MAJIN: variants seen among roughly 807,000 people sequenced by gnomAD.
MAJIN encodes the protein membrane-anchored junction protein.
In MAJIN, 27 loss-of-function variants were observed where a neutral mutation model predicts 30.2. That is an observed-to-expected ratio of 0.89 (90% CI 0.66 to 1.23). MAJIN has a LOEUF of 1.23. MAJIN is among the 50% of genes most tolerant of loss of function. MAJIN has a pLI of 0.00. For missense variants in MAJIN, 253 were observed against 260.3 expected, an observed-to-expected ratio of 0.97 and a Z score of 0.19; for synonymous variants, 78 against 91.6, an observed-to-expected ratio of 0.85 and a Z score of 0.85.
intron 4 of MAJIN, among the ~76,000 whole-genome samples, chr11:64,952,352 T>C (rs1192430976): frequency 6.6e-6 from 1 of 151,846 alleles, no homozygotes; most frequent in Non-Finnish European, 1.5e-5. Flanking sequence ...CACACCTGGC[T>C]AACTTTTGTA....
intron 8 of MAJIN, among the ~76,000 whole-genome samples, chr11:64,943,311 G>A (rs1376983773): frequency 6.6e-6 from 1 of 152,134 alleles, no homozygotes; most frequent in Non-Finnish European, 1.5e-5. Context: ...CTAGATCTGG[G>A]ACCTGAAGTA....
In MAJIN at chr11:64,950,414, A is replaced by G; in HGVS notation, c.164T>C (p.Val55Ala). ...CTGAAGATTGTCCAAGTTTCCCAAG[A>G]CCACGCGGACAGAATCCTGAAAAAC... ...TQELEDSVRV[V>A]LGNLDNLQPF... The change falls in exon 5 of 11, where the codon GTC (valine) becomes GCC (alanine). Residue 55 changes from valine (V) to alanine (A), a missense_variant. Physicochemically the swap from Val to Ala is moderately conservative, Grantham distance 64. Coordinates refer to ENST00000301896, the MANE Select transcript of MAJIN (RefSeq NM_001037225.3). The G allele has an allele frequency of 1.2e-6, 2 of 1,613,616 alleles. No homozygotes were observed. Among genetic ancestry groups the G allele is most frequent in the Non-Finnish European group, 1.7e-6 (2 of 1,179,744 alleles).
intron 10 of MAJIN, 66 bp from the exon 11 acceptor site, chr11:64,938,639 A>G (rs2136703734): frequency 6.7e-7 from 1 of 1,493,854 alleles, no homozygotes. Flanking sequence ...CCCATTTCCC[A>G]TTAGTGCTTC....
chr11:64,949,865 T>G lies in MAJIN; in HGVS notation c.227A>C (p.Lys76Thr). ...ATEHFIVFPY[K>T]SKWERVSHLK... The stretch of plus-strand genomic sequence containing the variant: ...GTGGGAAACTCTCTCCCATTTGCTT[T>G]TATCTGGAAAATGGTGCTAAGGAGT... The change falls in exon 6 of 11, where the codon AAA becomes ACA. Residue 76 changes from lysine (K) to threonine (T), a missense_variant. Transcript: ENST00000301896. The G allele has an allele frequency of 1.2e-6, 2 of 1,603,452 alleles. No individual in the cohort carries two copies. The highest frequency in any genetic ancestry group is 2.7e-5 in the African/African-American group (2 of 75,052).
At chr11:64,956,763 G>GT (rs398016405) in intron 3 of MAJIN, among the ~76,000 whole-genome samples, 64,447 of 102,480 alleles carry the variant, frequency 0.63, 21,661 homozygotes, top group Non-Finnish European at 0.69. Context: ...CATATAAGCT[G>GT]TTTTTTTTTT....
chr11:64,954,650 T>A (rs745383224), intron 4 of MAJIN, 107 bp downstream of exon 4: 1 of 1,104,928 alleles, frequency 9.1e-7, no homozygotes, highest in Non-Finnish European at 1.4e-6. Context: ...GGAAGCCAAG[T>A]TATCAAGTGG....
chr11:64,962,705 C>T (rs1328283757), intron 1 of MAJIN, among the ~76,000 whole-genome samples: 5 of 152,172 alleles, frequency 3.3e-5, no homozygotes, highest in South Asian at 2.1e-4. Context: ...GGGATTCCAA[C>T]GACCCCTGGA....
chr11:64,971,447 A>T, intron 1 of MAJIN, among the ~76,000 whole-genome samples: 1 of 127,602 alleles, frequency 7.8e-6, no homozygotes. Flanking sequence ...AAAAAAAAAA[A>T]GGACGGAGGA....
At chr11:64,944,641 A>G (rs1945423715) in intron 8 of MAJIN, among the ~76,000 whole-genome samples, 1 of 152,230 alleles carries the variant, frequency 6.6e-6, no homozygotes, top group African/African-American at 2.4e-5. Context: ...CCTGGGCAAC[A>G]GAGTGTGACC....
At chr11:64,944,503 A>G (rs902574801) in intron 8 of MAJIN, among the ~76,000 whole-genome samples, 2 of 152,182 alleles carry the variant, frequency 1.3e-5, no homozygotes, top group African/African-American at 2.4e-5. Flanking sequence ...TACAAAAAAT[A>G]CAAAAATTAG....
chr11:64,958,034 C>T (rs921666288), intron 3 of MAJIN, among the ~76,000 whole-genome samples: 2 of 151,868 alleles, frequency 1.3e-5, no homozygotes, highest in South Asian at 2.1e-4. Flanking sequence ...CTCCGTCTCC[C>T]GAGTTCAAGC....
chr11:64,938,454 T>G lies in MAJIN; in HGVS notation c.*121A>C. ...GAAGTGTCATAAGAAAAGGATAGAG[T>G]TGGAGGAAGAATGGCTCGGGAGGAG... On this transcript the variant is annotated 3_prime_UTR_variant, in exon 11 of 11. Transcript: ENST00000301896. The G allele has an allele frequency of 6.9e-7, 1 of 1,457,638 alleles. No individual in the cohort carries two copies. The highest frequency in any genetic ancestry group is 2.0e-5 in the Admixed American group (1 of 50,810). The allele number at this position is 1,457,638 out of a possible 1,614,324, so 90.3% of individuals were successfully genotyped here.
At chr11:64,943,935 T>A (rs769322417) in intron 8 of MAJIN, among the ~76,000 whole-genome samples, 1 of 152,250 alleles carries the variant, frequency 6.6e-6, no homozygotes, top group Non-Finnish European at 1.5e-5. Flanking sequence ...GGGTTGACTA[T>A]CTGCCCAAAA....
intron 8 of MAJIN, 63 bp from the exon 9 acceptor site, chr11:64,940,709 T>A (rs1327877472): frequency 2.8e-6 from 4 of 1,450,802 alleles, no homozygotes; most frequent in Non-Finnish European, 3.9e-6. Flanking sequence ...GCAATCTGAA[T>A]GCTATTTGCT....
intron 4 of MAJIN, among the ~76,000 whole-genome samples, chr11:64,952,610 T>C (rs577126146): frequency 1.3e-5 from 2 of 152,226 alleles, no homozygotes; most frequent in Non-Finnish European, 2.9e-5. Context: ...CTAGGTTACA[T>C]AACTAGAAAT....
chr11:64,940,281 G>GT (rs1325273171), intron 9 of MAJIN, among the ~76,000 whole-genome samples: 1 of 152,162 alleles, frequency 6.6e-6, no homozygotes, highest in East Asian at 1.9e-4. Flanking sequence ...TTTCTATAAA[G>GT]TTTATCACCT....
At chr11:64,949,118 T>C (rs1945508628) in intron 6 of MAJIN, among the ~76,000 whole-genome samples, 1 of 148,364 alleles carries the variant, frequency 6.7e-6, no homozygotes, top group Non-Finnish European at 1.5e-5. Context: ...AGCCCAGGAG[T>C]TTGAGACCCA....
intron 4 of MAJIN, chr11:64,954,035 C>T (rs1218036559): frequency 6.5e-6 from 1 of 154,114 alleles, no homozygotes; most frequent in Non-Finnish European, 1.4e-5. Context: ...ACAATAGTCA[C>T]AAATTACCGA....
At chr11:64,959,241 C>T (rs1050264143) in intron 3 of MAJIN, 64 bp downstream of exon 3, 3 of 1,309,544 alleles carry the variant, frequency 2.3e-6, no homozygotes, top group African/African-American at 1.5e-5. Context: ...GAAGAGGTGA[C>T]CTGTGGGAAT....
Sources: gnomAD v4.1 joint callset for allele counts (sites outside exome capture counted in the v4.1 genomes callset) on GRCh38, gnomAD v4.1.1 for gene constraint, MANE v1.5 for transcripts, NCBI Gene and HGNC (gene_info 2026-07-23, HGNC 2026-07-21) for gene names.